DIAPH3: variants seen among roughly 807,000 people sequenced by gnomAD.
DIAPH3 encodes the protein diaphanous related formin 3, also known as protein diaphanous homolog 3.
DIAPH3 carries 117 observed loss-of-function variants against 144.3 expected under a neutral mutation model. The ratio of observed to expected loss-of-function variants is 0.81; its 90% CI spans 0.70 to 0.95. The LOEUF (loss-of-function observed/expected upper bound fraction) is 0.95. DIAPH3 is among the 40% of genes least tolerant of loss of function. DIAPH3 has a pLI of 0.00. For missense variants in DIAPH3, 1,421 were observed against 1,412.7 expected (o/e 1.01, Z -0.09); for synonymous variants, 519 against 488.9 (o/e 1.06, Z -0.81).
At chr13:60,067,743 CTTTAA>C (rs1023307727) in intron 4 of DIAPH3, among the ~76,000 whole-genome samples, 31 of 152,016 alleles carry the variant, frequency 2.0e-4, no homozygotes, top group Non-Finnish European at 3.1e-4. Context: ...TTTAACTCTT[CTTTAA>C]TTTGATTGTG....
At chr13:60,158,932 A>AAAT (rs1952159276) in intron 1 of DIAPH3, among the ~76,000 whole-genome samples, 8 of 147,880 alleles carry the variant, frequency 5.4e-5, no homozygotes, top group African/African-American at 2.0e-4. Context: ...AAAAAAAAAA[A>AAAT]CCAAATAACC....
At chr13:60,121,899 T>C (rs1029582866) in intron 2 of DIAPH3, among the ~76,000 whole-genome samples, 6 of 151,648 alleles carry the variant, frequency 4.0e-5, no homozygotes, top group Non-Finnish European at 8.8e-5. Context: ...TCATCTTCTC[T>C]CTGTCTCTAC....
intron 27 of DIAPH3, among the ~76,000 whole-genome samples, chr13:59,722,108 CATTCAAAGCCCTTAGGA>C (rs2035373825): frequency 6.6e-6 from 1 of 152,164 alleles, no homozygotes; most frequent in Non-Finnish European, 1.5e-5. Flanking sequence ...AAAGGTTCTG[CATTCAAAGCCCTTAGGA>C]ATTCAAAGCC....
chr13:59,829,721 G>A (rs1250732563), intron 24 of DIAPH3, among the ~76,000 whole-genome samples: 1 of 151,882 alleles, frequency 6.6e-6, no homozygotes, highest in East Asian at 1.9e-4. Context: ...AGGAAGAAAT[G>A]TCTGAACAGA....
At chr13:59,763,455 T>C (rs2139206791) in intron 27 of DIAPH3, among the ~76,000 whole-genome samples, 1 of 152,100 alleles carries the variant, frequency 6.6e-6, no homozygotes. Flanking sequence ...GGCGGGAGAA[T>C]CATTTGAACT....
chr13:59,860,045 C>T (rs913443164), intron 22 of DIAPH3, among the ~76,000 whole-genome samples: 1 of 151,920 alleles, frequency 6.6e-6, no homozygotes, highest in Non-Finnish European at 1.5e-5. Context: ...TCAAGACAGG[C>T]CATATGAAAT....
At chr13:60,047,481 C>T (rs935205190) in intron 4 of DIAPH3, among the ~76,000 whole-genome samples, 12 of 152,160 alleles carry the variant, frequency 7.9e-5, no homozygotes, top group East Asian at 3.9e-4. Context: ...TAGAGTGATA[C>T]AGGCATCAGT....
intron 17 of DIAPH3, among the ~76,000 whole-genome samples, chr13:59,966,962 G>T (rs961486830): frequency 1.3e-5 from 2 of 152,172 alleles, no homozygotes; most frequent in African/African-American, 4.8e-5. Context: ...TCCTGCACTG[G>T]CTTGCGAAAG....
At chr13:59,931,307 G>A (rs1296122824) in intron 17 of DIAPH3, among the ~76,000 whole-genome samples, 3 of 151,978 alleles carry the variant, frequency 2.0e-5, no homozygotes, top group African/African-American at 7.3e-5. Context: ...GACCACAGCC[G>A]GTTTCTAACT....
chr13:60,143,237 G>A (rs1336045465), intron 1 of DIAPH3, among the ~76,000 whole-genome samples: 9 of 152,092 alleles, frequency 5.9e-5, no homozygotes, highest in African/African-American at 1.4e-4. Flanking sequence ...CACATCAAGC[G>A]TGCCTTCCTA....
At chr13:59,910,667 T>A (rs1474244376) in intron 20 of DIAPH3, among the ~76,000 whole-genome samples, 1 of 151,736 alleles carries the variant, frequency 6.6e-6, no homozygotes, top group Non-Finnish European at 1.5e-5. Context: ...AGGCGCAGGT[T>A]TTGGTGAGTC....
At chr13:59,924,576 T>C (rs1264210981) in intron 18 of DIAPH3, among the ~76,000 whole-genome samples, 199 bp downstream of exon 18, 1 of 151,984 alleles carries the variant, frequency 6.6e-6, no homozygotes, top group Non-Finnish European at 1.5e-5. Context: ...CCTCTTCTTA[T>C]TTGTATTTTC....
intron 5 of DIAPH3, 101 bp downstream of exon 5, chr13:60,042,589 G>C (rs2055761629): frequency 7.1e-7 from 1 of 1,409,012 alleles, no homozygotes; most frequent in Non-Finnish European, 9.9e-7. Flanking sequence ...TTTGTACTTT[G>C]AGAAACTGTT....
chr13:59,883,603 A>G (rs2045232624), intron 20 of DIAPH3, among the ~76,000 whole-genome samples: 1 of 152,168 alleles, frequency 6.6e-6, no homozygotes, highest in Non-Finnish European at 1.5e-5. Context: ...ATATCACATT[A>G]TAAGAAATAA....
chr13:59,735,458 T>TA (rs2036096740), intron 27 of DIAPH3, among the ~76,000 whole-genome samples: 1 of 152,178 alleles, frequency 6.6e-6, no homozygotes, highest in South Asian at 2.1e-4. Context: ...GACATCGTGT[T>TA]AGGTGGTGTG....
chr13:59,675,347 T>A (rs1343303076), intron 27 of DIAPH3, among the ~76,000 whole-genome samples: 4 of 152,090 alleles, frequency 2.6e-5, no homozygotes, highest in Non-Finnish European at 5.9e-5. Flanking sequence ...GAGTTACAGG[T>A]GTGAGCCACT....
intron 9 of DIAPH3, among the ~76,000 whole-genome samples, chr13:60,007,906 A>G (rs935822434): frequency 6.6e-6 from 1 of 152,170 alleles, no homozygotes; most frequent in East Asian, 1.9e-4. Flanking sequence ...AATTGGCAAA[A>G]CATCTCAAAA....
intron 22 of DIAPH3, among the ~76,000 whole-genome samples, chr13:59,859,574 C>G (rs2043455225): frequency 6.6e-6 from 1 of 152,070 alleles, no homozygotes; most frequent in African/African-American, 2.4e-5. Context: ...GAAAAAAACT[C>G]CCGGTGTATT....
chr13:59,909,080 C>A (rs2046870492), intron 20 of DIAPH3, among the ~76,000 whole-genome samples: 1 of 152,130 alleles, frequency 6.6e-6, no homozygotes, highest in Admixed American at 6.5e-5. Context: ...TAATTCACTT[C>A]AAGTTAATTG....
Sources: allele counts gnomAD v4.1 joint callset (sites outside exome capture counted in the v4.1 genomes callset), GRCh38; gene constraint gnomAD v4.1.1; transcripts MANE v1.5; gene names NCBI Gene and HGNC (gene_info 2026-07-23, HGNC 2026-07-21).